ZNF519: variants seen among roughly 807,000 people sequenced by gnomAD.
ZNF519 encodes the protein zinc finger protein 519, also known as similar to Zinc finger protein 85 (Zinc finger protein HPF4) (HTF1).
In ZNF519, 7 loss-of-function variants were observed where a neutral mutation model predicts 7.4. The observed-to-expected ratio is 0.94, with a 90% CI of 0.54 to 1.77. The LOEUF (loss-of-function observed/expected upper bound fraction) is 1.77. ZNF519 is among the 40% of genes most tolerant of loss of function. The pLI, the probability that ZNF519 is intolerant of heterozygous loss-of-function variation, is 0.00. For missense variants in ZNF519, 586 were observed against 623.1 expected, an observed-to-expected ratio of 0.94 and a Z score of 0.63; for synonymous variants, 179 against 203.3, an observed-to-expected ratio of 0.88 and a Z score of 1.02.
In ZNF519 at chr18:14,105,251, T is replaced by G; in HGVS notation, c.1289A>C (p.Lys430Thr). 1 of 1,612,688 alleles carries G rather than the reference T, an allele frequency of 6.2e-7. No individual in the cohort carries two copies. Among genetic ancestry groups the G allele is most frequent in the Non-Finnish European group, 8.5e-7 (1 of 1,179,150 alleles). The change falls in exon 3 of 3, where the codon AAA (lysine) becomes ACA (threonine). Residue 430 changes from lysine (K) to threonine (T), a missense_variant. Coordinates refer to ENST00000590202, the MANE Select transcript of ZNF519 (RefSeq NM_145287.4). ...TQHQRIHTGE[K>T]HFKCKECGKA... The stretch of plus-strand genomic sequence containing the variant: ...GCCACATTCTTTACATTTGAAGTGT[T>G]TCTCTCCAGTATGGATTCTCTGATG...
intron 2 of ZNF519, among the ~76,000 whole-genome samples, chr18:14,110,645 C>G (rs1476942873): frequency 6.6e-6 from 1 of 152,124 alleles, no homozygotes; most frequent in Non-Finnish European, 1.5e-5. Context: ...TACCAACTTA[C>G]TCCTACAAAA....
In ZNF519 at chr18:14,105,363, G is replaced by A. The variant is rs372308496; in HGVS notation, c.1177C>T (p.Gln393Ter). Residue 393 changes from glutamine to a stop codon, truncating the protein, a stop_gained, in exon 3 of 3, where the codon CAG becomes TAG. Coordinates refer to ENST00000590202, the MANE Select transcript of ZNF519 (RefSeq NM_145287.4). LOFTEE classifies it low-confidence loss of function (END_TRUNC). ...TCTCCAGTATGCATTCTCTGATGCT[G>A]AGTAACGTATGAGCTTCTATTAAAG... ...KAFNRSSYVT[Q>*]HQRMHTGEKP... The A allele has an allele frequency of 6.2e-7, 1 of 1,613,996 alleles. No individual in the cohort carries two copies. The highest frequency in any genetic ancestry group is 8.5e-7 in the Non-Finnish European group (1 of 1,179,988).
intron 2 of ZNF519, 128 bp downstream of exon 2, chr18:14,124,222 C>A: frequency 5.7e-6 from 5 of 878,910 alleles, no homozygotes; most frequent in South Asian, 5.8e-5. Context: ...AGCAAACTCC[C>A]ATTTTTTCTT....
At chr18:14,072,682 T>C (rs2046032568), downstream of ZNF519, 1 of 152,118 alleles carries the variant, frequency 6.6e-6, no homozygotes, top group Admixed American at 6.6e-5. Flanking sequence ...TTTTCTTGCG[T>C]AAATGTATGA....
chr18:14,111,297 G>A lies in ZNF519; in HGVS notation c.131-4888C>T, dbSNP rs564856026. On this transcript the variant is annotated intron_variant, in intron 2 of 2. Transcript: ENST00000590202. ...AGGCAGGGGGATCACCTGAAGTCAG[G>A]AGTTTAAGACCAGCCTGTCCAACAT... Among the ~76,000 whole-genome samples the A allele has an allele frequency of 2.0e-5, 3 of 151,376 alleles. No individual in the cohort carries two copies. The South Asian group carries it at 6.2e-4, about 31-fold the overall frequency.
chr18:14,128,404 GCAAA>G (rs1178727139), intron 1 of ZNF519, among the ~76,000 whole-genome samples: 1 of 152,148 alleles, frequency 6.6e-6, no homozygotes, highest in East Asian at 1.9e-4. Flanking sequence ...CTAAGAGATT[GCAAA>G]CAGAGAAAGG....
chr18:14,090,975 A>C (rs1416119590), intron 2 of ZNF519: 1 of 152,196 alleles, frequency 6.6e-6, no homozygotes. Flanking sequence ...ATACTTTGAA[A>C]ATATATGCAG....
At chr18:14,096,777 A>G (rs1406432192), downstream of ZNF519, among the ~76,000 whole-genome samples, 2 of 152,198 alleles carry the variant, frequency 1.3e-5, no homozygotes, top group African/African-American at 4.8e-5. Flanking sequence ...GCAAAACAGA[A>G]AACAACAGTG....
At chr18:14,130,389 C>T (rs573353878) in intron 1 of ZNF519, among the ~76,000 whole-genome samples, 2 of 152,230 alleles carry the variant, frequency 1.3e-5, no homozygotes, top group African/African-American at 4.8e-5. Context: ...ATCTTATTTG[C>T]TCTTTCCAAC....
downstream of ZNF519, chr18:14,073,759 C>T (rs1598504516): frequency 6.6e-6 from 1 of 151,974 alleles, no homozygotes; most frequent in Non-Finnish European, 1.5e-5. Context: ...GATATTTTAC[C>T]AGTACAAAAA....
In ZNF519 at chr18:14,120,308, T is replaced by C. The variant is rs1390904120; in HGVS notation, c.130+4042A>G. 9.9e-5 allele frequency among the ~76,000 whole-genome samples: 15 copies of C among 152,156 alleles called. 1 individual carries two copies. Among genetic ancestry groups the C allele is most frequent in the Admixed American group, 9.2e-4 (14 of 15,258 alleles). On this transcript the variant is annotated intron_variant, in intron 2 of 2. Coordinates refer to ENST00000590202, the MANE Select transcript of ZNF519 (RefSeq NM_145287.4). ...AATATACAATGCAGAAAGTATAGTCTTGTCAATACACGGTGCCAGAAAAAC... is the reference window on the plus strand; with the variant it reads ...AATATACAATGCAGAAAGTATAGTCCTGTCAATACACGGTGCCAGAAAAAC...
At chr18:14,124,178 A>T (rs1031731153) in intron 2 of ZNF519, 172 bp downstream of exon 2, 6 of 149,610 alleles carry the variant, frequency 4.0e-5, no homozygotes, top group Non-Finnish European at 6.5e-5. Context: ...TGTCTCAATT[A>T]AAAAAAAAAA....
At chr18:14,087,285 G>T (rs1350559606) in intron 2 of ZNF519, among the ~76,000 whole-genome samples, 1 of 152,128 alleles carries the variant, frequency 6.6e-6, no homozygotes, top group Non-Finnish European at 1.5e-5. Context: ...CACAAGATAA[G>T]GATGCTTATG....
Position 14,105,884 on chromosome 18 carries a change from T to C in ZNF519, c.656A>G (p.Asp219Gly), listed in dbSNP as rs1199149671. Residue 219 changes from aspartate to glycine, a missense_variant, in exon 3 of 3, where the codon GAC becomes GGC. By Grantham distance (94) the Asp-to-Gly change is moderately conservative. Coordinates refer to ENST00000590202, the MANE Select transcript of ZNF519 (RefSeq NM_145287.4). Reference protein sequence around the residue: ...YNSNECGETSDPFSKLTQHQR... With the variant: ...YNSNECGETSGPFSKLTQHQR... The stretch of plus-strand genomic sequence containing the variant: ...ATGTTGAGTAAGCTTTGAGAATGGG[T>C]CAGAAGTTTCACCACATTCATTAGA... 2.5e-6 allele frequency: 4 copies of C among 1,607,188 alleles called. No individual in the cohort carries two copies. The highest frequency in any genetic ancestry group is 3.4e-6 in the Non-Finnish European group (4 of 1,178,292).
rs373783366 is a variant in ZNF519, at chr18:14,120,750, A to G, written c.130+3600T>C. 2.6e-5 allele frequency among the ~76,000 whole-genome samples: 4 copies of G among 152,136 alleles called. No individual in the cohort carries two copies. The East Asian group carries it at 5.8e-4, about 22-fold the overall frequency. ...TTATTTTTCCCCAAAGAAGACATAC[A>G]TACAAGGGAAATCCTGTATGTTGTC... On this transcript the variant is annotated intron_variant, in intron 2 of 2. Coordinates refer to ENST00000590202, the MANE Select transcript of ZNF519 (RefSeq NM_145287.4).
intron 2 of ZNF519, among the ~76,000 whole-genome samples, chr18:14,114,890 A>G (rs2046238150): frequency 6.6e-6 from 1 of 152,164 alleles, no homozygotes; most frequent in Non-Finnish European, 1.5e-5. Context: ...GCTACTTCAA[A>G]ATATCTCATG....
chr18:14,094,570 T>C (rs1161874303), intron 2 of ZNF519, among the ~76,000 whole-genome samples: 1 of 152,240 alleles, frequency 6.6e-6, no homozygotes, highest in African/African-American at 2.4e-5. Context: ...GCTGATGTGA[T>C]GTATTATGTT....
chr18:14,120,793 T>C (rs1272635035), intron 2 of ZNF519, among the ~76,000 whole-genome samples: 1 of 152,092 alleles, frequency 6.6e-6, no homozygotes, highest in East Asian at 1.9e-4. Flanking sequence ...TGTAAATTGA[T>C]ACAGTCATCA....
At chr18:14,118,521 C>T (rs768366588) in intron 2 of ZNF519, among the ~76,000 whole-genome samples, 2 of 152,060 alleles carry the variant, frequency 1.3e-5, no homozygotes, top group Non-Finnish European at 2.9e-5. Context: ...CAGAAACAGG[C>T]AGTAGAAAGA....
Sources: allele counts gnomAD v4.1 joint callset (sites outside exome capture counted in the v4.1 genomes callset), GRCh38; gene constraint gnomAD v4.1.1; transcripts MANE v1.5; gene names NCBI Gene and HGNC (gene_info 2026-07-23, HGNC 2026-07-21).